Variants in SORCS2 observed in about 807,000 individuals in gnomAD.
SORCS2 encodes the protein VPS10 domain-containing receptor SorCS2.
In SORCS2, 100 loss-of-function variants were observed where a neutral mutation model predicts 141.6. That is an observed-to-expected ratio of 0.71 (90% CI 0.60 to 0.83). The LOEUF (loss-of-function observed/expected upper bound fraction) is 0.83, where lower values mean the gene tolerates loss of function less well. Among genes scored for constraint, SORCS2 ranks in the 40% least tolerant of loss-of-function variants. The pLI is 0.00. For missense variants in SORCS2, 1,646 were observed against 1,560.2 expected, an observed-to-expected ratio of 1.05 and a Z score of -0.93; for synonymous variants, 789 against 676.9, an observed-to-expected ratio of 1.17 and a Z score of -2.57.
intron 18 of SORCS2, among the ~76,000 whole-genome samples, chr4:7,722,273 C>G (rs1231171556): frequency 3.3e-5 from 5 of 152,166 alleles, no homozygotes. Context: ...GACTTGAGCG[C>G]TTCCCCTCAT....
At chr4:7,500,873 G>T (rs975656761) in intron 2 of SORCS2, among the ~76,000 whole-genome samples, 2 of 152,188 alleles carry the variant, frequency 1.3e-5, no homozygotes, top group Admixed American at 6.5e-5. Flanking sequence ...CCTGCGGGCA[G>T]CCCCCGCAGA....
In SORCS2 at chr4:7,569,866, G is replaced by A. The variant is rs540574504; in HGVS notation, c.648+38237G>A. ...TCCTCAGCCCAAATAAATGTCCTTC[G>A]GAGCCACTGGGTGGATGTGGCCTCT... On this transcript the variant is annotated intron_variant, in intron 3 of 26. Coordinates refer to ENST00000507866, the MANE Select transcript of SORCS2 (RefSeq NM_020777.3). 1.1e-4 allele frequency among the ~76,000 whole-genome samples: 16 copies of A among 152,266 alleles called. No homozygotes were observed. In the South Asian group the frequency reaches 1.5e-3, roughly 14 times the overall value.
In SORCS2 at chr4:7,718,007, T is replaced by G; in HGVS notation, c.2253-5T>G. On this transcript the variant is annotated splice_polypyrimidine_tract_variant and splice_region_variant and intron_variant, in intron 17 of 26. Coordinates refer to ENST00000507866, the MANE Select transcript of SORCS2 (RefSeq NM_020777.3). ...GCGGACCCTGACCCTCTCTTGTCAA[T>G]CCAGGTACCGGAAAGTGGTGTCCAA... 6.3e-7 allele frequency: 1 copy of G among 1,599,848 alleles called. No individual in the cohort carries two copies. The highest frequency in any genetic ancestry group is 8.5e-7 in the Non-Finnish European group (1 of 1,172,630).
intron 3 of SORCS2, among the ~76,000 whole-genome samples, chr4:7,537,881 G>A (rs779890096): frequency 3.9e-5 from 6 of 152,108 alleles, no homozygotes; most frequent in Non-Finnish European, 7.4e-5. Flanking sequence ...AGCTACTCAG[G>A]AGGCTGAGGT....
Position 7,285,052 on chromosome 4 carries a change from G to A in SORCS2, c.480+91926G>A, listed in dbSNP as rs1054328359. On this transcript the variant is annotated intron_variant, in intron 1 of 26. Transcript: ENST00000507866. ...TATATATATATTTTTTTTTTTTTGA[G>A]ATGGAGTTTCACTCTTGTTGCCCAG... is the stretch of plus-strand genomic sequence containing the variant. Among the ~76,000 whole-genome samples, 3 of 139,882 alleles carry A rather than the reference G, an allele frequency of 2.1e-5. No homozygotes were observed. In the South Asian group the frequency reaches 6.6e-4, roughly 31 times the overall value. 91.8% of individuals were successfully genotyped at this position (139,882 alleles called of 152,430 possible).
intron 3 of SORCS2, among the ~76,000 whole-genome samples, chr4:7,555,603 C>T (rs1714050809): frequency 6.6e-6 from 1 of 152,204 alleles, no homozygotes; most frequent in Non-Finnish European, 1.5e-5. Context: ...CAGACATAGC[C>T]CCTGCTCTCA....
In SORCS2 at chr4:7,742,052, C is replaced by T. The variant is rs1712722020; in HGVS notation, c.*1788C>T. 1 of 152,086 alleles carries T rather than the reference C, an allele frequency of 6.6e-6. No individual in the cohort carries two copies. Among genetic ancestry groups the T allele is most frequent in the Non-Finnish European group, 1.5e-5 (1 of 68,084 alleles). 9.4% of individuals were successfully genotyped at this position (152,086 alleles called of 1,614,324 possible). On this transcript the variant is annotated 3_prime_UTR_variant, in exon 27 of 27. Transcript: ENST00000507866. ...CCACCCCTTCCACCTGTCCCCCAGA[C>T]CCAAAGCTCTCTCCCCACCCTACCT...
In SORCS2 at chr4:7,628,033, G is replaced by C. The variant is rs529675162; in HGVS notation, c.649-10295G>C. On this transcript the variant is annotated intron_variant, in intron 3 of 26. Coordinates refer to ENST00000507866, the MANE Select transcript of SORCS2 (RefSeq NM_020777.3). ...CCGGGCCTGCCTGCAGCAGCTGCTGGAGAACAAGGTGTCTCCACTCTTGTG... is the reference window on the plus strand; with the variant it reads ...CCGGGCCTGCCTGCAGCAGCTGCTGCAGAACAAGGTGTCTCCACTCTTGTG... Among the ~76,000 whole-genome samples, 18 of 152,336 alleles carry C rather than the reference G, an allele frequency of 1.2e-4. No individual in the cohort carries two copies. The South Asian group carries it at 3.3e-3, about 28-fold the overall frequency.
chr4:7,407,422 A>T (rs1725035263), intron 2 of SORCS2, among the ~76,000 whole-genome samples: 1 of 152,066 alleles, frequency 6.6e-6, no homozygotes, highest in African/African-American at 2.4e-5. Flanking sequence ...CCCCTTTATC[A>T]TTATATAGTG....
chr4:7,374,128 CCTCTT>C (rs1722462021), intron 1 of SORCS2, among the ~76,000 whole-genome samples: 5 of 12,786 alleles, frequency 3.9e-4, no homozygotes, highest in Non-Finnish European at 8.7e-4. Flanking sequence ...TCTTTCTTTC[CCTCTT>C]TCTTTCTTTC....
intron 2 of SORCS2, among the ~76,000 whole-genome samples, chr4:7,494,737 C>T (rs945963414): frequency 2.0e-5 from 3 of 152,202 alleles, no homozygotes; most frequent in Non-Finnish European, 4.4e-5. Flanking sequence ...CAGTCCCTGC[C>T]TGATTTCTGG....
At chr4:7,455,700 G>A (rs561389063) in intron 2 of SORCS2, among the ~76,000 whole-genome samples, 14 of 150,418 alleles carry the variant, frequency 9.3e-5, no homozygotes, top group Non-Finnish European at 1.8e-4. Context: ...CTGTGTTTGG[G>A]TCAGGAGCTT....
intron 2 of SORCS2, among the ~76,000 whole-genome samples, chr4:7,426,538 AT>A (rs1726451195): frequency 6.6e-6 from 1 of 152,160 alleles, no homozygotes; most frequent in Non-Finnish European, 1.5e-5. Flanking sequence ...AGCCTGAGCA[AT>A]GTAGCAAGAC....
chr4:7,332,502 C>T lies in SORCS2; in HGVS notation c.481-63786C>T, dbSNP rs546797795. The stretch of plus-strand genomic sequence containing the variant: ...TGAGCCTGGAGAAATCAGCTTCCCC[C>T]GACCCACTGTGACCCCCGACCCTGG... On this transcript the variant is annotated intron_variant, in intron 1 of 26. Transcript: ENST00000507866. Among the ~76,000 whole-genome samples the T allele has an allele frequency of 2.1e-3, 325 of 152,302 alleles. 1 individual carries two copies. The highest frequency in any genetic ancestry group is 7.4e-3 in the African/African-American group (307 of 41,568).
chr4:7,284,534 A>G (rs937681052), intron 1 of SORCS2, among the ~76,000 whole-genome samples: 3 of 152,196 alleles, frequency 2.0e-5, no homozygotes, highest in Non-Finnish European at 4.4e-5. Flanking sequence ...ATGACCTGGC[A>G]GCTCCATGAC....
At chr4:7,724,064 A>G (rs186956990) in intron 19 of SORCS2, among the ~76,000 whole-genome samples, 181 bp downstream of exon 19, 389 of 151,788 alleles carry the variant, frequency 2.6e-3, no homozygotes, top group African/African-American at 9.0e-3. Context: ...GACCCATACA[A>G]TAGTAGGGCA....
chr4:7,581,815 C>G (rs1473574301), intron 3 of SORCS2, among the ~76,000 whole-genome samples: 1 of 152,220 alleles, frequency 6.6e-6, no homozygotes, highest in Non-Finnish European at 1.5e-5. Flanking sequence ...TGCCCCAGTG[C>G]TTGCTCATTA....
chr4:7,273,591 C>A lies in SORCS2; in HGVS notation c.480+80465C>A, dbSNP rs940614319. ...GGTAAGTGGACATGGAGGGCCCCAT[C>A]CTTCCACCTTTGCACCCCTACTGAG... On this transcript the variant is annotated intron_variant, in intron 1 of 26. Transcript: ENST00000507866. 5.3e-5 allele frequency among the ~76,000 whole-genome samples: 8 copies of A among 152,152 alleles called. 1 individual carries two copies. The East Asian group carries it at 1.5e-3, about 29-fold the overall frequency.
At chr4:7,304,831 C>T (rs1717675192) in intron 1 of SORCS2, among the ~76,000 whole-genome samples, 1 of 152,244 alleles carries the variant, frequency 6.6e-6, no homozygotes, top group Admixed American at 6.5e-5. Context: ...TTCCTGCTCC[C>T]TCTTCTCCTT....
Sources: allele counts gnomAD v4.1 joint callset (sites outside exome capture counted in the v4.1 genomes callset), GRCh38; gene constraint gnomAD v4.1.1; transcripts MANE v1.5; gene names NCBI Gene and HGNC (gene_info 2026-07-23, HGNC 2026-07-21).